The following CRLS1 variants were observed in gnomAD, a reference collection of about 807,000 sequenced individuals.
CRLS1 encodes the protein cardiolipin synthase (CMP-forming).
CRLS1 carries 24 observed loss-of-function variants against 37.0 expected under a neutral mutation model. That is an observed-to-expected ratio of 0.65 (90% CI 0.47 to 0.91). CRLS1 has a LOEUF of 0.91. CRLS1 is among the 40% of genes least tolerant of loss of function. The probability of loss-of-function intolerance (pLI) is 0.00; values close to 1 mark genes in which losing one functional copy is unlikely to be tolerated. For missense variants in CRLS1, 373 were observed against 395.8 expected (o/e 0.94, Z 0.49); for synonymous variants, 135 against 159.7 (o/e 0.85, Z 1.17).
chr20:6,032,715 A>G (rs1600390153), intron 5 of CRLS1, among the ~76,000 whole-genome samples: 1 of 152,262 alleles, frequency 6.6e-6, no homozygotes, highest in Non-Finnish European at 1.5e-5. Flanking sequence ...GGCAATAAGT[A>G]TATGCCAGTC....
intron 2 of CRLS1, among the ~76,000 whole-genome samples, chr20:6,010,117 G>A (rs529994794): frequency 1.9e-4 from 28 of 150,988 alleles, no homozygotes; most frequent in African/African-American, 6.3e-4. Flanking sequence ...AGGAGGAAGC[G>A]AAAGTTGTAG....
At chr20:6,024,210 C>T (rs1979495168) in intron 3 of CRLS1, among the ~76,000 whole-genome samples, 1 of 152,148 alleles carries the variant, frequency 6.6e-6, no homozygotes, top group African/African-American at 2.4e-5. Context: ...CCCACCTCAG[C>T]CTTTCAAAGT....
intron 3 of CRLS1, chr20:6,031,054 T>C (rs1980126985): frequency 2.5e-6 from 1 of 393,614 alleles, no homozygotes. Flanking sequence ...AGATACAGAC[T>C]TCAAAGCCAT....
rs1246051423 is a variant in CRLS1 at position 6,039,962 on chromosome 20, A to G, written c.*2804A>G. 1 of 152,210 alleles carries G rather than the reference A, an allele frequency of 6.6e-6. No individual in the cohort carries two copies. The highest frequency in any genetic ancestry group is 2.4e-5 in the African/African-American group (1 of 41,462). The allele number at this position is 152,210 out of a possible 1,614,324, so 9.4% of individuals were successfully genotyped here. A position where few individuals can be genotyped will look rare whatever the true frequency, so the allele number is the denominator to read the frequency against. On this transcript the variant is annotated 3_prime_UTR_variant, in exon 7 of 7. Transcript: ENST00000378863. ...TCCGGCCTGAACTGTAGGAAAATAA[A>G]TTTCTGTTCTTTTAAGCCATTTTTA...
At chr20:6,022,547 A>C (rs971181559) in intron 3 of CRLS1, among the ~76,000 whole-genome samples, 1 of 152,068 alleles carries the variant, frequency 6.6e-6, no homozygotes, top group African/African-American at 2.4e-5. Flanking sequence ...CCTGTTGCCC[A>C]GGCTGGTCTT....
intron 1 of CRLS1, chr20:6,007,550 A>T: frequency 1.2e-6 from 1 of 804,258 alleles, no homozygotes; most frequent in South Asian, 1.5e-5. Context: ...TCACTGTTCC[A>T]GCAACATTGA....
At chr20:6,013,587 TACAG>T (rs957000989) in intron 2 of CRLS1, among the ~76,000 whole-genome samples, 19 of 151,932 alleles carry the variant, frequency 1.3e-4, no homozygotes, top group African/African-American at 4.6e-4. Flanking sequence ...TTAAGGAAAA[TACAG>T]ACATGACCAT....
chr20:6,015,705 C>A, intron 3 of CRLS1: 1 of 483,680 alleles, frequency 2.1e-6, no homozygotes, highest in Non-Finnish European at 3.7e-6. Context: ...CAGTTGCTTT[C>A]CTAGTAAGAT....
intron 1 of CRLS1, chr20:6,007,316 A>G: frequency 6.3e-7 from 1 of 1,593,558 alleles, no homozygotes; most frequent in Non-Finnish European, 8.6e-7. Context: ...TGATAGCTAA[A>G]GCATGTTGGG....
At chr20:6,006,594 G>A in intron 1 of CRLS1, 42 bp downstream of exon 1, 1 of 1,248,182 alleles carries the variant, frequency 8.0e-7, no homozygotes, top group Non-Finnish European at 1.0e-6. Context: ...CCTGGGCTGG[G>A]GTCGCCGCCC....
chr20:6,020,892 G>A (rs977603806), intron 3 of CRLS1, among the ~76,000 whole-genome samples: 4 of 150,464 alleles, frequency 2.7e-5, no homozygotes, highest in African/African-American at 9.8e-5. Context: ...TCTGCCTCCC[G>A]AAGTGCTGGG....
chr20:6,036,935 A>G (rs878966408), intron 6 of CRLS1, 139 bp from the exon 7 acceptor site: 2 of 581,460 alleles, frequency 3.4e-6, no homozygotes, highest in South Asian at 5.0e-5. Context: ...GTAGTTAAGA[A>G]AAATTACACC....
At chr20:6,007,643 A>G (rs1169959146) in intron 1 of CRLS1, among the ~76,000 whole-genome samples, 1 of 152,164 alleles carries the variant, frequency 6.6e-6, no homozygotes, top group East Asian at 1.9e-4. Context: ...TAATTTCTGA[A>G]GTTAATTTGG....
In CRLS1 at chr20:6,038,230, G is replaced by A. The variant is rs188604216; in HGVS notation, c.*1072G>A. On this transcript the variant is annotated 3_prime_UTR_variant, in exon 7 of 7. Transcript: ENST00000378863. ...TCATGTTTAGGAGAATGTGGGATAT[G>A]GGGAAGGGGAGAAGAAGACAGTCCA... 2 of 151,122 alleles carry A rather than the reference G, an allele frequency of 1.3e-5. No individual in the cohort carries two copies. The highest frequency in any genetic ancestry group is 5.0e-5 in the African/African-American group (2 of 40,370). The allele number at this position is 151,122 out of a possible 1,614,324, so 9.4% of individuals were successfully genotyped here.
chr20:6,013,981 C>T (rs1400978316), intron 2 of CRLS1, among the ~76,000 whole-genome samples: 1 of 152,132 alleles, frequency 6.6e-6, no homozygotes, highest in African/African-American at 2.4e-5. Flanking sequence ...GGTTAAGTTC[C>T]CTGAGGTCAG....
Position 6,007,385 on chromosome 20 carries a change from G to T in CRLS1, c.306+833G>T, listed in dbSNP as rs755072953. On this transcript the variant is annotated intron_variant, in intron 1 of 6. Coordinates refer to ENST00000378863, the MANE Select transcript of CRLS1 (RefSeq NM_019095.6). ...CCTGACTGAAGTCCTTCCCAGAACG[G>T]CAGTAGTTGGTCGAGTATGCCACAG... 2.5e-6 allele frequency: 4 copies of T among 1,613,434 alleles called. No homozygotes were observed. In the African/African-American group the frequency reaches 5.3e-5, roughly 22 times the overall value.
At position 6,038,145 on chromosome 20, in the gene CRLS1, T is replaced by G. The variant is rs958636980; in HGVS notation, c.*987T>G. 1.3e-5 allele frequency: 2 copies of G among 152,206 alleles called. No homozygotes were observed. The highest frequency in any genetic ancestry group is 4.8e-5 in the African/African-American group (2 of 41,464). The allele number at this position is 152,206 out of a possible 1,614,324, so 9.4% of individuals were successfully genotyped here. A position where few individuals can be genotyped will look rare whatever the true frequency, so the allele number is the denominator to read the frequency against. On this transcript the variant is annotated 3_prime_UTR_variant, in exon 7 of 7. Transcript: ENST00000378863. ...TCCATTCATGTACATCACTTACACT[T>G]AAATTGTAAAAATAATTAGTCTGAC...
chr20:6,006,713 A>C (rs925657377), intron 1 of CRLS1, 161 bp downstream of exon 1: 2 of 985,004 alleles, frequency 2.0e-6, no homozygotes, highest in Non-Finnish European at 2.4e-6. Context: ...GGTCGGGATG[A>C]ATTTCAGGGT....
At chr20:6,019,530 T>C (rs867594109) in intron 3 of CRLS1, among the ~76,000 whole-genome samples, 39 of 99,424 alleles carry the variant, frequency 3.9e-4, no homozygotes, top group African/African-American at 1.6e-3. Context: ...TTTTTTTTTT[T>C]CATCTTTTTT....
Sources: gnomAD v4.1 joint callset for allele counts (sites outside exome capture counted in the v4.1 genomes callset) on GRCh38, gnomAD v4.1.1 for gene constraint, MANE v1.5 for transcripts, NCBI Gene and HGNC (gene_info 2026-07-23, HGNC 2026-07-21) for gene names.